Variants in ARHGAP25 observed in about 807,000 individuals in gnomAD.
ARHGAP25 encodes Rho GTPase activating protein 25, also known as rho GTPase-activating protein 25.
A neutral mutation model predicts 71.0 loss-of-function variants in ARHGAP25; 34 were observed. That is an observed-to-expected ratio of 0.48 (90% CI 0.36 to 0.64). ARHGAP25 has a LOEUF of 0.64. ARHGAP25 is among the 30% of genes least tolerant of loss of function. ARHGAP25 has a pLI of 0.00. For synonymous variants in ARHGAP25, 282 were observed against 296.5 expected (o/e 0.95, Z 0.50); for missense variants, 706 against 805.1 (o/e 0.88, Z 1.49).
intron 2 of ARHGAP25, among the ~76,000 whole-genome samples, chr2:68,729,699 C>T (rs1674967680): frequency 6.6e-6 from 1 of 152,098 alleles, no homozygotes. Context: ...AAACATAAAC[C>T]GTAGAACTTT....
chr2:68,775,790 G>A (rs370452630), intron 2 of ARHGAP25: 16 of 451,722 alleles, frequency 3.5e-5, no homozygotes, highest in African/African-American at 8.0e-5. Context: ...TTTATTGAGC[G>A]TTTATTATAT....
At chr2:68,777,079 C>G (rs996434410) in intron 2 of ARHGAP25, among the ~76,000 whole-genome samples, 1 of 152,140 alleles carries the variant, frequency 6.6e-6, no homozygotes, top group Non-Finnish European at 1.5e-5. Context: ...TGCATGGTAA[C>G]CAGCCTTCCT....
chr2:68,715,041 G>C (rs1674576398), intron 2 of ARHGAP25, among the ~76,000 whole-genome samples: 1 of 152,108 alleles, frequency 6.6e-6, no homozygotes, highest in African/African-American at 2.4e-5. Context: ...CCCTGACTGA[G>C]AGGCATGACT....
At chr2:68,719,553 A>G (rs1002421716) in intron 2 of ARHGAP25, among the ~76,000 whole-genome samples, 73 of 151,678 alleles carry the variant, frequency 4.8e-4, no homozygotes, top group African/African-American at 1.7e-3. Context: ...TTTTTTTTCT[A>G]TATACATGTA....
chr2:68,742,926 A>G (rs1223546499), intron 1 of ARHGAP25, among the ~76,000 whole-genome samples: 1 of 151,982 alleles, frequency 6.6e-6, no homozygotes, highest in East Asian at 1.9e-4. Context: ...AATTGTGTCA[A>G]TTTTGTCTGC....
At chr2:68,777,169 A>G (rs1253779103) in intron 2 of ARHGAP25, among the ~76,000 whole-genome samples, 2 of 152,218 alleles carry the variant, frequency 1.3e-5, no homozygotes, top group Non-Finnish European at 1.5e-5. Context: ...AAGACGATGG[A>G]GGAAGTCCTC....
At chr2:68,807,569 G>T in intron 5 of ARHGAP25, 89 bp downstream of exon 5, 2 of 1,303,906 alleles carry the variant, frequency 1.5e-6, no homozygotes, top group Non-Finnish European at 2.2e-6. Context: ...TGAGCTATGG[G>T]ACTTGCATAG....
At chr2:68,819,089 A>T in intron 8 of ARHGAP25, 34 bp from the exon 9 acceptor site, 1 of 1,504,844 alleles carries the variant, frequency 6.6e-7, no homozygotes, top group Non-Finnish European at 8.9e-7. Context: ...TGCCTCCTAC[A>T]CTACACAACA....
intron 4 of ARHGAP25, among the ~76,000 whole-genome samples, chr2:68,794,450 C>T (rs1177549173): frequency 6.6e-6 from 1 of 152,068 alleles, no homozygotes; most frequent in East Asian, 1.9e-4. Context: ...TCCTCCTATG[C>T]CTAGTTTGTT....
intron 1 of ARHGAP25, among the ~76,000 whole-genome samples, chr2:68,770,908 C>T (rs1182735178): frequency 6.6e-6 from 1 of 152,094 alleles, no homozygotes; most frequent in African/African-American, 2.4e-5. Flanking sequence ...CCATTTCCAC[C>T]CCACGCTTTG....
rs1196866151 is a variant in ARHGAP25 at position 68,767,722 on chromosome 2, G to T, written c.62-7499G>T. 6.6e-6 allele frequency among the ~76,000 whole-genome samples: 1 copy of T among 152,182 alleles called. No homozygotes were observed. The highest frequency in any genetic ancestry group is 6.5e-5 in the Admixed American group (1 of 15,278). On this transcript the variant is annotated intron_variant, in intron 1 of 10. Coordinates refer to ENST00000409202, the MANE Select transcript of ARHGAP25 (RefSeq NM_001007231.3). This position sits in a 1 kb window ranked among gnomAD's most constrained non-coding sequence, Gnocchi z 4.6. ...GATTACCTAATATGTCCGTTTTCTT[G>T]TTGGGGTATCAGCACAGCCTCAGTG...
chr2:68,710,924 C>T (rs1274782400), intron 2 of ARHGAP25, among the ~76,000 whole-genome samples: 1 of 152,156 alleles, frequency 6.6e-6, no homozygotes, highest in African/African-American at 2.4e-5. Context: ...TGCTACATCT[C>T]TCTAGTGTGG....
At chr2:68,729,574 T>G (rs1262135816) in intron 2 of ARHGAP25, among the ~76,000 whole-genome samples, 1 of 152,202 alleles carries the variant, frequency 6.6e-6, no homozygotes, top group Non-Finnish European at 1.5e-5. Context: ...GTTCCACTAT[T>G]TAATAAAAAA....
chr2:68,785,865 A>G (rs1378091646), intron 3 of ARHGAP25, among the ~76,000 whole-genome samples: 1 of 152,216 alleles, frequency 6.6e-6, no homozygotes, highest in Non-Finnish European at 1.5e-5. Flanking sequence ...TGTTTAAGTC[A>G]GATAAATTAT....
At chr2:68,817,811 C>G in intron 7 of ARHGAP25, 62 bp from the exon 8 acceptor site, 1 of 1,589,080 alleles carries the variant, frequency 6.3e-7, no homozygotes, top group Non-Finnish European at 8.6e-7. Context: ...CATTGGAACC[C>G]TGTAGTGCTT....
At chr2:68,807,783 T>C (rs1680483525) in intron 5 of ARHGAP25, among the ~76,000 whole-genome samples, 1 of 152,068 alleles carries the variant, frequency 6.6e-6, no homozygotes, top group Non-Finnish European at 1.5e-5. Context: ...GGGAGAAAGA[T>C]GGGACGTTGC....
At chr2:68,738,433 T>C (rs1250742996) in intron 1 of ARHGAP25, among the ~76,000 whole-genome samples, 2 of 152,112 alleles carry the variant, frequency 1.3e-5, no homozygotes, top group Admixed American at 6.5e-5. Context: ...CTGATTTGTG[T>C]TTGTTTGATG....
At position 68,818,061 on chromosome 2, in the gene ARHGAP25, T is replaced by C. The variant is rs1209721488; in HGVS notation, c.1003+67T>C. On this transcript the variant is annotated intron_variant, in intron 8 of 10. Transcript: ENST00000409202. ...ACAATTACAACATTCCCCCTGATAT[T>C]TGTGCACTGCTCTGTAGTTTCCCAA... 7 of 1,585,520 alleles carry C rather than the reference T, an allele frequency of 4.4e-6. No individual in the cohort carries two copies. The African/African-American group carries it at 8.1e-5, about 18-fold the overall frequency.
At chr2:68,745,402 T>C (rs1247361000) in intron 1 of ARHGAP25, among the ~76,000 whole-genome samples, 2 of 152,206 alleles carry the variant, frequency 1.3e-5, no homozygotes, top group Non-Finnish European at 2.9e-5. Context: ...CACCATTCCA[T>C]TGGTCCCACC....
Sources: gnomAD v4.1 joint callset for allele counts (sites outside exome capture counted in the v4.1 genomes callset) on GRCh38, gnomAD v4.1.1 for gene constraint, Gnocchi (gnomAD v3.1) non-coding constraint, MANE v1.5 for transcripts, NCBI Gene and HGNC (gene_info 2026-07-23, HGNC 2026-07-21) for gene names.